RANBP9: variants seen among roughly 807,000 people sequenced by gnomAD.
RANBP9 encodes RAN binding protein 9, also known as ran-binding protein 9.
RANBP9 carries 15 observed loss-of-function variants against 84.3 expected under a neutral mutation model. That is an observed-to-expected ratio of 0.18 (90% CI 0.12 to 0.27). The LOEUF (loss-of-function observed/expected upper bound fraction) is 0.27. Among genes scored for constraint, RANBP9 ranks in the 10% least tolerant of loss-of-function variants. The pLI, the probability that RANBP9 is intolerant of heterozygous loss-of-function variation, is 1.00. For synonymous variants in RANBP9, 392 were observed against 349.6 expected (o/e 1.12, Z -1.35); for missense variants, 809 against 912.8 (o/e 0.89, Z 1.46).
intron 2 of RANBP9, among the ~76,000 whole-genome samples, chr6:13,689,084 G>A (rs995781228): frequency 2.0e-5 from 3 of 150,950 alleles, no homozygotes; most frequent in African/African-American, 4.9e-5. Context: ...TTAAGTAAGG[G>A]AGGTCAAGGC....
At chr6:13,664,275 A>G (rs1765598470) in intron 2 of RANBP9, among the ~76,000 whole-genome samples, 1 of 152,128 alleles carries the variant, frequency 6.6e-6, no homozygotes, top group Non-Finnish European at 1.5e-5. Context: ...CAGAAAACAT[A>G]AAACATCGAA....
In RANBP9 at chr6:13,702,890, C is replaced by G. The variant is rs193126287; in HGVS notation, c.572-5994G>C. Reference sequence around the variant, plus strand: ...CTGGTTTTTGCCCCATCACTCAATTCAAACTGCTCTCCCTAAAGTCACAAT... The same window carrying G: ...CTGGTTTTTGCCCCATCACTCAATTGAAACTGCTCTCCCTAAAGTCACAAT... On this transcript the variant is annotated intron_variant, in intron 1 of 13. Transcript: ENST00000011619. Among the ~76,000 whole-genome samples the G allele has an allele frequency of 7.5e-4, 114 of 152,288 alleles. 3 individuals are homozygous for G. The highest frequency in any genetic ancestry group is 2.6e-3 in the African/African-American group (107 of 41,550).
intron 2 of RANBP9, among the ~76,000 whole-genome samples, chr6:13,660,715 A>G (rs1158147947): frequency 6.6e-6 from 1 of 152,236 alleles, no homozygotes; most frequent in East Asian, 1.9e-4. Flanking sequence ...ACTAGAAATT[A>G]AAACTCAGAT....
At chr6:13,626,868 G>C (rs1233036033) in intron 12 of RANBP9, among the ~76,000 whole-genome samples, 1 of 152,166 alleles carries the variant, frequency 6.6e-6, no homozygotes, top group Non-Finnish European at 1.5e-5. Flanking sequence ...TGGGGGAAAG[G>C]CTTCTGATTA....
At chr6:13,702,902 C>T (rs1291014961) in intron 1 of RANBP9, among the ~76,000 whole-genome samples, 1 of 152,144 alleles carries the variant, frequency 6.6e-6, no homozygotes, top group Non-Finnish European at 1.5e-5. Context: ...AACTGCTCTC[C>T]CTAAAGTCAC....
chr6:13,696,830 C>A lies in RANBP9; in HGVS notation c.638G>T (p.Gly213Val), dbSNP rs778890886. 1 of 1,612,854 alleles carries A rather than the reference C, an allele frequency of 6.2e-7. No individual in the cohort carries two copies. Among genetic ancestry groups the A allele is most frequent in the Non-Finnish European group, 8.5e-7 (1 of 1,179,274 alleles). The change falls in exon 2 of 14, where the codon GGG becomes GTG. Residue 213 changes from glycine to valine, a missense_variant. Transcript: ENST00000011619. The part of the protein sequence containing the change: ...RATHPIPAAC[G>V]IYYFEVKIVS... ...AATTTTTACTTCAAAATAATAAATC[C>A]CACAGGCTGCTGGTATTGGATGCGT... is the stretch of plus-strand genomic sequence containing the variant.
intron 2 of RANBP9, among the ~76,000 whole-genome samples, chr6:13,684,320 C>CT (rs1562317407): frequency 6.6e-6 from 1 of 152,194 alleles, no homozygotes; most frequent in Non-Finnish European, 1.5e-5. Flanking sequence ...TCTGCATCTC[C>CT]TTAAAACTCA....
Position 13,644,655 on chromosome 6 carries a change from G to A in RANBP9, c.1002C>T (p.Phe334=), listed in dbSNP as rs142949237. ...GCATATAGTCTTCTATATCAAACAC[G>A]AAAGGATGTTGCCCAAAATTGGCAT... The part of the protein sequence containing the change: ...VVDANFGQHP[F]VFDIEDYMRE... Residue 334 remains phenylalanine (F), a synonymous_variant, in exon 6 of 14, where the codon TTC becomes TTT. Coordinates refer to ENST00000011619, the MANE Select transcript of RANBP9 (RefSeq NM_005493.3). 470 of 1,613,016 alleles carry A rather than the reference G, an allele frequency of 2.9e-4. No homozygotes were observed. Among genetic ancestry groups the A allele is most frequent in the Non-Finnish European group, 3.8e-4 (447 of 1,179,538 alleles).
At chr6:13,633,119 C>T (rs553800489) in intron 11 of RANBP9, among the ~76,000 whole-genome samples, 14 of 152,122 alleles carry the variant, frequency 9.2e-5, no homozygotes, top group Admixed American at 7.9e-4. Context: ...ACTGGAACCT[C>T]TGCCTCCCAG....
intron 2 of RANBP9, among the ~76,000 whole-genome samples, chr6:13,679,414 A>T (rs1441868850): frequency 6.6e-6 from 1 of 152,204 alleles, no homozygotes; most frequent in African/African-American, 2.4e-5. Context: ...TTAGTTTGAG[A>T]GTTCCTCTGA....
intron 2 of RANBP9, among the ~76,000 whole-genome samples, chr6:13,686,193 C>T (rs913475525): frequency 5.5e-5 from 8 of 144,416 alleles, no homozygotes; most frequent in Non-Finnish European, 1.0e-4. Flanking sequence ...CAGCCTTGAC[C>T]TCCTGGGCTC....
chr6:13,638,806 C>T (rs1019900843), intron 9 of RANBP9, among the ~76,000 whole-genome samples: 6 of 151,308 alleles, frequency 4.0e-5, no homozygotes, highest in Non-Finnish European at 7.4e-5. Flanking sequence ...TGGGAGAAAA[C>T]GAACTAGGCA....
intron 10 of RANBP9, 50 bp downstream of exon 10, chr6:13,637,758 C>A: frequency 1.4e-6 from 2 of 1,468,822 alleles, no homozygotes; most frequent in Non-Finnish European, 9.2e-7. Context: ...AACGATTACA[C>A]CTATAACTAG....
chr6:13,699,336 T>C (rs1453703168), intron 1 of RANBP9, among the ~76,000 whole-genome samples: 1 of 152,218 alleles, frequency 6.6e-6, no homozygotes, highest in Non-Finnish European at 1.5e-5. Context: ...ATTTGTTTCA[T>C]GTTTAAATTA....
intron 8 of RANBP9, among the ~76,000 whole-genome samples, chr6:13,640,483 A>C (rs1210518633): frequency 6.6e-6 from 1 of 152,236 alleles, no homozygotes; most frequent in Admixed American, 6.5e-5. Flanking sequence ...TATTCATAAC[A>C]GCCAAGAGGT....
At position 13,684,457 on chromosome 6, in the gene RANBP9, A is replaced by G. The variant is rs372334168; in HGVS notation, c.683+12328T>C. Among the ~76,000 whole-genome samples the G allele has an allele frequency of 4.6e-5, 7 of 152,344 alleles. No individual in the cohort carries two copies. In the South Asian group the frequency reaches 8.3e-4, roughly 18 times the overall value. On this transcript the variant is annotated intron_variant, in intron 2 of 13. Coordinates refer to ENST00000011619, the MANE Select transcript of RANBP9 (RefSeq NM_005493.3). ...AGATATTCCCTCACCCGTAACCTCA[A>G]TTACTACAATTGTTCTTCCAACTTA... is the stretch of plus-strand genomic sequence containing the variant.
At chr6:13,625,122 A>C (rs1158814142) in intron 13 of RANBP9, among the ~76,000 whole-genome samples, 1 of 151,892 alleles carries the variant, frequency 6.6e-6, no homozygotes, top group African/African-American at 2.4e-5. Flanking sequence ...ACCTTTCTTG[A>C]CCTCTTTTCT....
At chr6:13,653,115 T>A (rs986486325) in intron 4 of RANBP9, among the ~76,000 whole-genome samples, 4 of 152,060 alleles carry the variant, frequency 2.6e-5, no homozygotes, top group Admixed American at 2.0e-4. Context: ...AAGAAAAGAG[T>A]TTTTCTGTTA....
intron 10 of RANBP9, among the ~76,000 whole-genome samples, chr6:13,636,836 T>C (rs1296002449): frequency 2.0e-5 from 3 of 152,208 alleles, no homozygotes; most frequent in Non-Finnish European, 4.4e-5. Context: ...GAAATTGAGA[T>C]TAATCTCCCA....
Sources: allele counts gnomAD v4.1 joint callset (sites outside exome capture counted in the v4.1 genomes callset), GRCh38; gene constraint gnomAD v4.1.1; transcripts MANE v1.5; gene names NCBI Gene and HGNC (gene_info 2026-07-23, HGNC 2026-07-21).